Variants in SRPK2 observed in about 807,000 individuals in gnomAD.
SRPK2 encodes the protein SFRS protein kinase 2.
Under a neutral mutation model 90.8 loss-of-function variants are expected in SRPK2, and 21 were observed. That is an observed-to-expected ratio of 0.23 (90% CI 0.16 to 0.33). SRPK2 has a LOEUF of 0.33. SRPK2 is among the 10% of genes least tolerant of loss of function. The pLI is 1.00. For missense variants in SRPK2, 620 were observed against 869.0 expected, an observed-to-expected ratio of 0.71 and a Z score of 3.60; for synonymous variants, 288 against 311.1, an observed-to-expected ratio of 0.93 and a Z score of 0.78.
intron 2 of SRPK2, among the ~76,000 whole-genome samples, chr7:105,363,101 G>A (rs557156074): frequency 2.0e-5 from 3 of 152,158 alleles, no homozygotes; most frequent in East Asian, 1.9e-4. Context: ...ATGAGTTAAC[G>A]GGTGCAGCAC....
At chr7:105,244,106 C>T (rs1352606404) in intron 2 of SRPK2, among the ~76,000 whole-genome samples, 1 of 152,198 alleles carries the variant, frequency 6.6e-6, no homozygotes, top group African/African-American at 2.4e-5. Context: ...CAAGTCCCGT[C>T]CGCTGGTCAG....
chr7:105,178,305 A>C (rs74426616), intron 3 of SRPK2, among the ~76,000 whole-genome samples: 2,798 of 152,298 alleles, frequency 0.018, 33 homozygotes, highest in Non-Finnish European at 0.029. Context: ...ACAATAATGA[A>C]GCCTCTGGCA....
chr7:105,390,607 GTTTTTTT>G (rs869259356), upstream of SRPK2, among the ~76,000 whole-genome samples: 15 of 109,050 alleles, frequency 1.4e-4, no homozygotes, highest in African/African-American at 5.1e-4. Context: ...TTTTGTTTTT[GTTTTTTT>G]TTTTTTTTTT....
intron 2 of SRPK2, among the ~76,000 whole-genome samples, chr7:105,260,128 A>T (rs1803993686): frequency 6.6e-6 from 1 of 152,224 alleles, no homozygotes; most frequent in Non-Finnish European, 1.5e-5. Context: ...AATTTTTACA[A>T]TCTACCCATC....
intron 3 of SRPK2, among the ~76,000 whole-genome samples, chr7:105,172,062 T>C (rs1791226056): frequency 6.6e-6 from 1 of 151,994 alleles, no homozygotes; most frequent in Non-Finnish European, 1.5e-5. Flanking sequence ...CCTGGCTAAT[T>C]TTTGCGTTTT....
At chr7:105,271,708 C>T (rs1350286740) in intron 2 of SRPK2, among the ~76,000 whole-genome samples, 1 of 152,212 alleles carries the variant, frequency 6.6e-6, no homozygotes, top group Admixed American at 6.5e-5. Flanking sequence ...ACTCTTGAAC[C>T]TCTACCTCTT....
chr7:105,389,058 C>G, upstream of SRPK2: 1 of 970,512 alleles, frequency 1.0e-6, no homozygotes, highest in Non-Finnish European at 1.2e-6. Flanking sequence ...CCCGCGCCCC[C>G]GCCCCACCCA....
Position 105,132,844 on chromosome 7 carries a change from A to C in SRPK2, c.1699T>G (p.Leu567Val). Residue 567 changes from leucine to valine, a missense_variant, in exon 13 of 16, where the codon TTA (leucine) becomes GTA (valine). Around this residue, in one of 8 missense-constraint regions of SRPK2, gnomAD observed 25 missense variants for 21.4 expected, o/e 1.17. Coordinates refer to ENST00000393651, the MANE Select transcript of SRPK2 (RefSeq NM_182692.3). ...QTRQYRSIEV[L>V]IGAGYSTPAD... ...GGGGTGCTGTACCCCGCTCCTATTA[A>C]AACCTCTATGGAGCGGTACTGACGC... 6.2e-7 allele frequency: 1 copy of C among 1,611,168 alleles called. No individual in the cohort carries two copies. The highest frequency in any genetic ancestry group is 8.5e-7 in the Non-Finnish European group (1 of 1,178,494).
At chr7:105,171,000 A>C (rs1018468264) in intron 3 of SRPK2, among the ~76,000 whole-genome samples, 1 of 130,448 alleles carries the variant, frequency 7.7e-6, no homozygotes, top group Non-Finnish European at 1.8e-5. Context: ...AGAAAGAGAA[A>C]GAAAGAAAGA....
chr7:105,308,748 C>T (rs552447665), intron 2 of SRPK2, among the ~76,000 whole-genome samples: 100 of 152,158 alleles, frequency 6.6e-4, no homozygotes, highest in Non-Finnish European at 1.3e-3. Context: ...ATTCAATCTA[C>T]ATAGTAGCTT....
intron 2 of SRPK2, among the ~76,000 whole-genome samples, chr7:105,362,653 C>T (rs761288421): frequency 6.6e-6 from 1 of 152,024 alleles, no homozygotes; most frequent in Non-Finnish European, 1.5e-5. Flanking sequence ...TCTCAAGGAT[C>T]TAGAAATAGA....
chr7:105,168,745 ATGTGTGTGTGTGTGTG>A (rs58073613), intron 4 of SRPK2, among the ~76,000 whole-genome samples: 7 of 104,082 alleles, frequency 6.7e-5, no homozygotes, highest in Admixed American at 1.9e-4. Flanking sequence ...CACGCACCAA[ATGTGTGTGTGTGTGTG>A]TGTGTGTGTG....
chr7:105,297,504 C>A, intron 2 of SRPK2: 1 of 985,354 alleles, frequency 1.0e-6, no homozygotes, highest in Non-Finnish European at 1.2e-6. Flanking sequence ...GTATCAACAT[C>A]CTACAGCCCA....
At chr7:105,382,043 C>T (rs779294404) in intron 2 of SRPK2, among the ~76,000 whole-genome samples, 36 of 152,132 alleles carry the variant, frequency 2.4e-4, no homozygotes, top group Non-Finnish European at 4.3e-4. Flanking sequence ...TGGCACATGC[C>T]TGTAGTCCCA....
At chr7:105,159,835 G>A (rs1447181703) in intron 7 of SRPK2, among the ~76,000 whole-genome samples, 2 of 152,074 alleles carry the variant, frequency 1.3e-5, no homozygotes, top group African/African-American at 4.8e-5. Context: ...CAGCTTTACT[G>A]AGGTACAACT....
At chr7:105,383,811 T>C (rs967920501) in intron 2 of SRPK2, among the ~76,000 whole-genome samples, 3 of 152,202 alleles carry the variant, frequency 2.0e-5, no homozygotes, top group Non-Finnish European at 2.9e-5. Flanking sequence ...TAAGTACTAA[T>C]ACGTGCCATA....
At chr7:105,188,244 A>G (rs1471490869) in intron 3 of SRPK2, among the ~76,000 whole-genome samples, 2 of 152,226 alleles carry the variant, frequency 1.3e-5, no homozygotes, top group African/African-American at 2.4e-5. Flanking sequence ...GAAGCCAAAC[A>G]CAAAAAGTGA....
Position 105,142,173 on chromosome 7 carries a change from G to T in SRPK2, c.1378C>A (p.Gln460Lys). The T allele has an allele frequency of 6.2e-7, 1 of 1,614,182 alleles. No homozygotes were observed. The stretch of plus-strand genomic sequence containing the variant: ...AACGAGGTGGAAAACTCTGGGAACT[G>T]TGACTCGGGAATTTTATGTCGTCCA... The part of the protein sequence containing the change: ...PNGRHKIPES[Q>K]FPEFSTSLFS... The change falls in exon 11 of 16, where the codon CAG becomes AAG. Residue 460 changes from glutamine (Q) to lysine (K), a missense_variant. Physicochemically the swap from Gln to Lys is moderately conservative, Grantham distance 53. Coordinates refer to ENST00000393651, the MANE Select transcript of SRPK2 (RefSeq NM_182692.3).
chr7:105,351,627 AC>A (rs937164097), intron 2 of SRPK2, among the ~76,000 whole-genome samples: 2 of 151,894 alleles, frequency 1.3e-5, no homozygotes, highest in African/African-American at 4.8e-5. Flanking sequence ...AAATGGTGAA[AC>A]CCCATCTCCA....
Sources: gnomAD v4.1 joint callset for allele counts (sites outside exome capture counted in the v4.1 genomes callset) on GRCh38, gnomAD v4.1.1 for gene constraint, gnomAD v4.1.1 regional missense constraint, MANE v1.5 for transcripts, NCBI Gene and HGNC (gene_info 2026-07-23, HGNC 2026-07-21) for gene names.